The following WASHC3 variants were observed in gnomAD, a reference collection of about 807,000 sequenced individuals.
WASHC3 encodes WASH complex subunit 3.
WASHC3 carries 24 observed loss-of-function variants against 26.1 expected under a neutral mutation model. The ratio of observed to expected loss-of-function variants is 0.92; its 90% CI spans 0.66 to 1.29. The LOEUF (loss-of-function observed/expected upper bound fraction) is 1.29. Among genes scored for constraint, WASHC3 ranks in the 50% most tolerant of loss-of-function variants. WASHC3 has a pLI of 0.00. For missense variants in WASHC3, 214 were observed against 229.6 expected (o/e 0.93, Z 0.44); for synonymous variants, 77 against 75.7 (o/e 1.02, Z -0.09).
chr12:102,015,382 T>C (rs147885601), intron 6 of WASHC3, among the ~76,000 whole-genome samples: 1 of 152,340 alleles, frequency 6.6e-6, no homozygotes, highest in Admixed American at 6.5e-5. Flanking sequence ...CATTTATTGA[T>C]ACATGTGATG....
intron 6 of WASHC3, among the ~76,000 whole-genome samples, chr12:102,022,863 G>A (rs1877014865): frequency 6.6e-6 from 1 of 151,974 alleles, no homozygotes; most frequent in Admixed American, 6.6e-5. Flanking sequence ...CTATATTTCT[G>A]AATGTATTAA....
At chr12:102,056,676 A>G (rs1315464826) in intron 2 of WASHC3, among the ~76,000 whole-genome samples, 1 of 152,202 alleles carries the variant, frequency 6.6e-6, no homozygotes, top group Non-Finnish European at 1.5e-5. Flanking sequence ...CCTAGAATGG[A>G]TAAGTTCCTA....
intron 5 of WASHC3, among the ~76,000 whole-genome samples, chr12:102,030,287 C>T (rs572489660): frequency 7.5e-6 from 1 of 134,186 alleles, no homozygotes; most frequent in Non-Finnish European, 1.6e-5. Flanking sequence ...AAGAGGGAAA[C>T]TCCATCTCAA....
At chr12:102,037,851 C>T (rs1877736588) in intron 5 of WASHC3, among the ~76,000 whole-genome samples, 1 of 151,530 alleles carries the variant, frequency 6.6e-6, no homozygotes, top group South Asian at 2.1e-4. Flanking sequence ...GGCTGGAGTA[C>T]AATGCGTGAT....
intron 4 of WASHC3, among the ~76,000 whole-genome samples, chr12:102,041,579 T>A (rs370971653): frequency 3.9e-5 from 6 of 152,200 alleles, no homozygotes; most frequent in African/African-American, 7.2e-5. Flanking sequence ...ATGATTTTTT[T>A]AAAAAGTGCA....
At chr12:102,061,890 T>C (rs1448496323) in intron 1 of WASHC3, 22 bp downstream of exon 1, 1 of 1,583,310 alleles carries the variant, frequency 6.3e-7, no homozygotes, top group Non-Finnish European at 8.6e-7. Context: ...TCGTCGGGAG[T>C]CTAGCACCGT....
At chr12:102,033,127 G>C (rs952432474) in intron 5 of WASHC3, among the ~76,000 whole-genome samples, 1 of 151,416 alleles carries the variant, frequency 6.6e-6, no homozygotes, top group East Asian at 1.9e-4. Flanking sequence ...CATTCCAGGC[G>C]ATAGTTAGTA....
intron 4 of WASHC3, among the ~76,000 whole-genome samples, chr12:102,041,702 CAATG>C (rs1877945220): frequency 2.0e-5 from 3 of 151,980 alleles, no homozygotes; most frequent in South Asian, 2.1e-4. Flanking sequence ...CAATTAATAA[CAATG>C]AATAAATGAG....
chr12:102,037,406 G>C (rs926535062), intron 5 of WASHC3, among the ~76,000 whole-genome samples: 5 of 152,172 alleles, frequency 3.3e-5, no homozygotes, highest in Non-Finnish European at 7.3e-5. Flanking sequence ...AAAGGGAATT[G>C]GGTAGGAGGA....
intron 5 of WASHC3, among the ~76,000 whole-genome samples, chr12:102,034,781 AGTGTGTGTGTGTGTGT>A (rs60815635): frequency 6.8e-6 from 1 of 146,172 alleles, no homozygotes; most frequent in Non-Finnish European, 1.5e-5. Flanking sequence ...CCTAAAAAAA[AGTGTGTGTGTGTGTGT>A]GTGTGTGTGT....
chr12:102,035,330 G>C (rs1424960007), intron 5 of WASHC3, among the ~76,000 whole-genome samples: 1 of 152,074 alleles, frequency 6.6e-6, no homozygotes, highest in Non-Finnish European at 1.5e-5. Flanking sequence ...AATGAAGAAG[G>C]GACAGGAATT....
upstream of WASHC3, chr12:102,062,050 C>A (rs1878838950): frequency 2.6e-6 from 3 of 1,136,362 alleles, no homozygotes; most frequent in Non-Finnish European, 3.8e-6. Flanking sequence ...CTCAACTTTC[C>A]CCCCAAGTGC....
chr12:102,024,935 C>T (rs942942292), intron 6 of WASHC3, among the ~76,000 whole-genome samples: 1 of 152,120 alleles, frequency 6.6e-6, no homozygotes, highest in Non-Finnish European at 1.5e-5. Context: ...TGCTTCAGTT[C>T]AAGCTGCCAA....
Position 102,044,214 on chromosome 12 carries a change from T to A in WASHC3, c.217-2A>T. ...ATCTAGGCCTGGGATAGATGACAAC[T>A]GAGAAAAGAAAATTAGTATTGGAAT... On this transcript the variant is annotated splice_acceptor_variant, in intron 3 of 6. Coordinates refer to ENST00000240079, the MANE Select transcript of WASHC3 (RefSeq NM_016053.4). LOFTEE classifies it high-confidence loss of function. 1 of 1,516,842 alleles carries A rather than the reference T, an allele frequency of 6.6e-7. No individual in the cohort carries two copies. Among genetic ancestry groups the A allele is most frequent in the Non-Finnish European group, 9.1e-7 (1 of 1,103,044 alleles). 94.0% of individuals were successfully genotyped at this position (1,516,842 alleles called of 1,614,324 possible). A position where few individuals can be genotyped will look rare whatever the true frequency, so the allele number is the denominator to read the frequency against.
intron 6 of WASHC3, among the ~76,000 whole-genome samples, 156 bp from the exon 7 acceptor site, chr12:102,013,348 G>A (rs975040837): frequency 3.9e-5 from 6 of 152,122 alleles, no homozygotes; most frequent in Admixed American, 6.6e-5. Context: ...TGCTTCTCTC[G>A]GGCTTCTTGG....
At chr12:102,036,160 C>T (rs948706673) in intron 5 of WASHC3, among the ~76,000 whole-genome samples, 2 of 151,888 alleles carry the variant, frequency 1.3e-5, no homozygotes, top group Non-Finnish European at 2.9e-5. Flanking sequence ...AGGAGTTCAA[C>T]ACCAGCCTGG....
In WASHC3 at chr12:102,013,186, TG is replaced by T; in HGVS notation, c.506del (p.Pro169GlnfsTer14). The T allele has an allele frequency of 6.6e-7, 1 of 1,517,030 alleles. No homozygotes were observed. The highest frequency in any genetic ancestry group is 9.0e-7 in the Non-Finnish European group (1 of 1,116,458). 94.0% of individuals were successfully genotyped at this position (1,517,030 alleles called of 1,614,324 possible). On this transcript the variant is annotated frameshift_variant, in exon 7 of 7. Transcript: ENST00000240079. LOFTEE classifies it high-confidence loss of function. Reference sequence around the variant, plus strand: ...TTTCGCCATCAGGCACTGGAGCATCTGGCCTCCTAAAAGAAAAGAAAAAAAA... The same window carrying T: ...TTTCGCCATCAGGCACTGGAGCATCTGCCTCCTAAAAGAAAAGAAAAAAAA... ...EGLDPDLLER[P>X]DAPVPDGESE...
At chr12:102,056,363 C>T (rs1409559245) in intron 2 of WASHC3, among the ~76,000 whole-genome samples, 12 of 152,116 alleles carry the variant, frequency 7.9e-5, no homozygotes, top group Non-Finnish European at 1.8e-4. Flanking sequence ...TACTGGAGAC[C>T]ATTGCAGTGA....
chr12:102,019,380 T>G, intron 6 of WASHC3: 1 of 391,532 alleles, frequency 2.6e-6, no homozygotes, highest in Non-Finnish European at 5.0e-6. Context: ...CCCTACAAGT[T>G]GTTTTTCATG....
Sources: gnomAD v4.1 joint callset for allele counts (sites outside exome capture counted in the v4.1 genomes callset) on GRCh38, gnomAD v4.1.1 for gene constraint, MANE v1.5 for transcripts, NCBI Gene and HGNC (gene_info 2026-07-23, HGNC 2026-07-21) for gene names.